DNER: variants seen among roughly 807,000 people sequenced by gnomAD.
DNER encodes delta and Notch-like epidermal growth factor-related receptor.
In DNER, 33 loss-of-function variants were observed where a neutral mutation model predicts 78.2. The ratio of observed to expected loss-of-function variants is 0.42; its 90% confidence interval spans 0.32 to 0.56. The LOEUF is 0.56. DNER is among the 20% of genes least tolerant of loss of function. The probability of loss-of-function intolerance (pLI) is 0.11; values close to 1 mark genes in which losing one functional copy is unlikely to be tolerated. For missense variants in DNER, 918 were observed against 975.3 expected (o/e 0.94, Z 0.78); for synonymous variants, 417 against 384.8 (o/e 1.08, Z -0.98).
At chr2:229,384,223 A>C (rs1375828807) in intron 11 of DNER, among the ~76,000 whole-genome samples, 1 of 152,218 alleles carries the variant, frequency 6.6e-6, no homozygotes, top group Non-Finnish European at 1.5e-5. Context: ...GAGAACAAAG[A>C]CACAATGTAC....
At chr2:229,599,195 T>C (rs1213455506) in intron 1 of DNER, among the ~76,000 whole-genome samples, 1 of 152,000 alleles carries the variant, frequency 6.6e-6, no homozygotes, top group Admixed American at 6.5e-5. Flanking sequence ...GAGAAGAAGA[T>C]AGAGGCAAGG....
chr2:229,362,219 C>A (rs149577699), intron 12 of DNER, among the ~76,000 whole-genome samples: 1 of 152,182 alleles, frequency 6.6e-6, no homozygotes, highest in Non-Finnish European at 1.5e-5. Flanking sequence ...GATTGATCAT[C>A]TCATCTCATC....
chr2:229,498,808 G>A (rs1695552347), intron 6 of DNER, among the ~76,000 whole-genome samples: 1 of 152,180 alleles, frequency 6.6e-6, no homozygotes, highest in Admixed American at 6.5e-5. Flanking sequence ...GATGGGAAGA[G>A]TTAATATTGT....
At chr2:229,484,647 T>C (rs536872593) in intron 6 of DNER, among the ~76,000 whole-genome samples, 24 of 152,320 alleles carry the variant, frequency 1.6e-4, no homozygotes, top group Non-Finnish European at 4.4e-5. Context: ...GGAGACTTTA[T>C]GTATTGTTAT....
At chr2:229,644,950 ACC>A (rs933041962) in intron 1 of DNER, among the ~76,000 whole-genome samples, 1 of 152,086 alleles carries the variant, frequency 6.6e-6, no homozygotes, top group Non-Finnish European at 1.5e-5. Flanking sequence ...CTAAATCCAG[ACC>A]CTTAGGATGG....
Position 229,565,157 on chromosome 2 carries a change from A to G in DNER, c.848-18065T>C, listed in dbSNP as rs1436686255. 2.0e-5 allele frequency among the ~76,000 whole-genome samples: 3 copies of G among 152,214 alleles called. No individual in the cohort carries two copies. In the East Asian group the frequency reaches 5.8e-4, roughly 29 times the overall value. ...GTACGGCAGGTCCTAAGTGGAACTT[A>G]GAATTGTTAGAAGTCTGAGGAAGAG... is the stretch of plus-strand genomic sequence containing the variant. On this transcript the variant is annotated intron_variant, in intron 4 of 12. Transcript: ENST00000341772.
chr2:229,367,901 G>A (rs2106326812), intron 11 of DNER, among the ~76,000 whole-genome samples: 1 of 152,302 alleles, frequency 6.6e-6, no homozygotes, highest in East Asian at 1.9e-4. Context: ...AGCCTTATGT[G>A]TGAAGATGCT....
chr2:229,474,920 A>G (rs1695000082), intron 7 of DNER, among the ~76,000 whole-genome samples: 1 of 152,160 alleles, frequency 6.6e-6, no homozygotes, highest in African/African-American at 2.4e-5. Flanking sequence ...GGACTTCTAC[A>G]ACAGTCCCCA....
intron 4 of DNER, among the ~76,000 whole-genome samples, chr2:229,583,786 T>A (rs1013018567): frequency 1.2e-4 from 19 of 152,220 alleles, no homozygotes; most frequent in African/African-American, 4.6e-4. Context: ...GGAGTGAAAT[T>A]CAGATTTGAT....
chr2:229,588,424 G>A lies in DNER; in HGVS notation c.650C>T (p.Ser217Phe), dbSNP rs146172282. The change falls in exon 3 of 13, where the codon TCC becomes TTC. Residue 217 changes from serine to phenylalanine, a missense_variant. Ser to Phe is a radical substitution (Grantham distance 155). Coordinates refer to ENST00000341772, the MANE Select transcript of DNER (RefSeq NM_139072.4). The stretch of plus-strand genomic sequence containing the variant: ...TGAGGTGTTCTGTGGCACTTCAAAG[G>A]ATACCAGGCGGCCACCCGCAGAGCT... Reference protein sequence around the residue: ...SNSSAGGRLVSFEVPQNTSVK... With the variant: ...SNSSAGGRLVFFEVPQNTSVK... 3.1e-5 allele frequency: 49 copies of A among 1,593,074 alleles called. No homozygotes were observed. The African/African-American group carries it at 6.6e-4, about 22-fold the overall frequency.
chr2:229,540,073 T>A (rs1213251676), intron 5 of DNER, among the ~76,000 whole-genome samples: 3 of 152,018 alleles, frequency 2.0e-5, no homozygotes, highest in African/African-American at 7.3e-5. Context: ...AAATCAAAAG[T>A]CATGTGTTCC....
chr2:229,427,090 T>A (rs1344802772), intron 8 of DNER, among the ~76,000 whole-genome samples: 1 of 152,212 alleles, frequency 6.6e-6, no homozygotes, highest in East Asian at 1.9e-4. Flanking sequence ...TTATAAACAT[T>A]AAATTGAAAG....
chr2:229,645,765 T>C (rs1042840482), intron 1 of DNER, among the ~76,000 whole-genome samples: 1 of 152,206 alleles, frequency 6.6e-6, no homozygotes, highest in Admixed American at 6.5e-5. Context: ...TTTCCTGACC[T>C]TGTGCCAAGT....
intron 5 of DNER, among the ~76,000 whole-genome samples, chr2:229,531,396 T>C (rs1472629891): frequency 6.6e-6 from 1 of 152,228 alleles, no homozygotes; most frequent in African/African-American, 2.4e-5. Context: ...TATAATATTT[T>C]TTTCATAAAA....
intron 1 of DNER, among the ~76,000 whole-genome samples, chr2:229,616,765 G>GTGAT (rs1282996249): frequency 6.6e-6 from 1 of 152,210 alleles, no homozygotes; most frequent in Non-Finnish European, 1.5e-5. Context: ...ATACCCTGGG[G>GTGAT]TGATGCCAGG....
At chr2:229,535,938 C>A (rs1299552342) in intron 5 of DNER, among the ~76,000 whole-genome samples, 1 of 152,204 alleles carries the variant, frequency 6.6e-6, no homozygotes, top group East Asian at 1.9e-4. Context: ...GCCACCACGC[C>A]TGGCCCAGAC....
rs544288161 is a variant in DNER at position 229,688,363 on chromosome 2, C to T, written c.276+25785G>A. Among the ~76,000 whole-genome samples, 17 of 152,330 alleles carry T rather than the reference C, an allele frequency of 1.1e-4. No individual in the cohort carries two copies. The South Asian group carries it at 3.5e-3, about 32-fold the overall frequency. On this transcript the variant is annotated intron_variant, in intron 1 of 12. Transcript: ENST00000341772. Reference sequence around the variant, plus strand: ...GCAGCCTCAGCAACATTGAGCAAGCCACACTCCTCCAATTTAATTACGGAA... The same window carrying T: ...GCAGCCTCAGCAACATTGAGCAAGCTACACTCCTCCAATTTAATTACGGAA...
chr2:229,394,522 G>C (rs534156930), intron 10 of DNER, among the ~76,000 whole-genome samples: 1 of 152,354 alleles, frequency 6.6e-6, no homozygotes, highest in East Asian at 1.9e-4. Flanking sequence ...AATGGGTAAA[G>C]GGAATGAAGC....
At chr2:229,614,200 AT>A (rs1335433361) in intron 1 of DNER, among the ~76,000 whole-genome samples, 5 of 151,532 alleles carry the variant, frequency 3.3e-5, no homozygotes, top group Non-Finnish European at 7.4e-5. Context: ...ATTTAAAAAA[AT>A]AATAATAATA....
Sources: gnomAD v4.1 joint callset for allele counts (sites outside exome capture counted in the v4.1 genomes callset) on GRCh38, gnomAD v4.1.1 for gene constraint, MANE v1.5 for transcripts, NCBI Gene and HGNC (gene_info 2026-07-23, HGNC 2026-07-21) for gene names.